SPHKAP: variants seen among roughly 807,000 people sequenced by gnomAD.
SPHKAP encodes A-kinase anchor protein SPHKAP.
In SPHKAP, 67 loss-of-function variants were observed where a neutral mutation model predicts 137.5. The ratio of observed to expected loss-of-function variants is 0.49; its 90% CI spans 0.40 to 0.60. The LOEUF is 0.60. Among genes scored for constraint, SPHKAP ranks in the 20% least tolerant of loss-of-function variants. The probability of loss-of-function intolerance (pLI) is 0.00; values close to 1 mark genes in which losing one functional copy is unlikely to be tolerated. For missense variants in SPHKAP, 2,097 were observed against 2,069.3 expected, an observed-to-expected ratio of 1.01 and a Z score of -0.26; for synonymous variants, 813 against 785.3, an observed-to-expected ratio of 1.04 and a Z score of -0.59.
chr2:228,125,244 T>C (rs1319722033), intron 2 of SPHKAP, among the ~76,000 whole-genome samples: 1 of 152,208 alleles, frequency 6.6e-6, no homozygotes, highest in Non-Finnish European at 1.5e-5. Flanking sequence ...AAGCATAGAT[T>C]GGAAATGCCC....
intron 1 of SPHKAP, among the ~76,000 whole-genome samples, chr2:228,139,897 A>ATTTAT: frequency 9.7e-6 from 1 of 102,830 alleles, no homozygotes; most frequent in Admixed American, 1.1e-4. Context: ...AGAGTTCTTT[A>ATTTAT]TTTCTTTATT....
At chr2:228,011,013 G>T (rs1403627661) in intron 7 of SPHKAP, among the ~76,000 whole-genome samples, 2 of 152,104 alleles carry the variant, frequency 1.3e-5, no homozygotes, top group African/African-American at 2.4e-5. Context: ...TTAAGACTGG[G>T]CTTAACTCTC....
intron 1 of SPHKAP, among the ~76,000 whole-genome samples, chr2:228,135,648 T>C (rs960533032): frequency 3.9e-5 from 6 of 152,214 alleles, no homozygotes; most frequent in African/African-American, 1.4e-4. Flanking sequence ...AAGTTTTTTT[T>C]TGCTTGCCTG....
chr2:228,043,105 C>A (rs544059532), intron 3 of SPHKAP, among the ~76,000 whole-genome samples: 1 of 152,144 alleles, frequency 6.6e-6, no homozygotes, highest in African/African-American at 2.4e-5. Context: ...GATTAAATTT[C>A]AAAAATGAAT....
chr2:228,178,943 A>T (rs891958007), intron 1 of SPHKAP, among the ~76,000 whole-genome samples: 2 of 152,158 alleles, frequency 1.3e-5, no homozygotes, highest in Non-Finnish European at 2.9e-5. Context: ...CTTAAAAAAA[A>T]AAAACATGTT....
chr2:228,019,519 A>C lies in SPHKAP; in HGVS notation c.1335T>G (p.Asn445Lys). 1 of 1,614,068 alleles carries C rather than the reference A, an allele frequency of 6.2e-7. No homozygotes were observed. The highest frequency in any genetic ancestry group is 8.5e-7 in the Non-Finnish European group (1 of 1,179,906). ...TKDTVVSRSW[N>K]ELPKIVVVQS... ...GAACAACGACGATTTTGGGGAGCTC[A>C]TTCCATGACCGAGAAACCACTGTAT... The change falls in exon 7 of 12, where the codon AAT becomes AAG. Residue 445 changes from asparagine to lysine, a missense_variant. Transcript: ENST00000392056.
chr2:228,051,605 A>T (rs1180570014), intron 3 of SPHKAP, among the ~76,000 whole-genome samples: 1 of 152,176 alleles, frequency 6.6e-6, no homozygotes, highest in African/African-American at 2.4e-5. Context: ...ACCCCACTGT[A>T]AAACAACCTG....
At chr2:228,102,086 C>T (rs553666546) in intron 3 of SPHKAP, among the ~76,000 whole-genome samples, 1 of 152,150 alleles carries the variant, frequency 6.6e-6, no homozygotes, top group African/African-American at 2.4e-5. Context: ...TCTTTGATTA[C>T]CAGAGAAGCT....
At chr2:227,993,722 A>G in intron 8 of SPHKAP, 102 bp from the exon 9 acceptor site, 1 of 1,049,912 alleles carries the variant, frequency 9.5e-7, no homozygotes, top group Non-Finnish European at 1.4e-6. Flanking sequence ...TTTGGTCCCC[A>G]GAAAAATATC....
chr2:228,036,514 T>C lies in SPHKAP; in HGVS notation c.247-8971A>G, dbSNP rs187423107. ...TCTAGAACTAGAAATACCATTTGAC[T>C]CAGCCATCCCATTACTGGGTATATA... On this transcript the variant is annotated intron_variant, in intron 3 of 11. Transcript: ENST00000392056. 7.2e-5 allele frequency among the ~76,000 whole-genome samples: 11 copies of C among 152,224 alleles called. No homozygotes were observed. The South Asian group carries it at 8.3e-4, about 11-fold the overall frequency.
intron 3 of SPHKAP, among the ~76,000 whole-genome samples, chr2:228,083,984 C>T (rs1022187071): frequency 4.6e-5 from 7 of 151,704 alleles, no homozygotes; most frequent in African/African-American, 9.7e-5. Flanking sequence ...CTACTGGATG[C>T]GGGTTTTAAA....
In SPHKAP at chr2:227,991,178, G is replaced by A; in HGVS notation, c.4781C>T (p.Ala1594Val). The change falls in exon 11 of 12, where the codon GCA (alanine) becomes GTA (valine). Residue 1594 changes from alanine to valine, a missense_variant. Ala to Val is a moderately conservative substitution (Grantham distance 64). Transcript: ENST00000392056. ...GGCTGTTCCCGTAGGCGGTCCAGAT[G>A]CAGGTGCTGAGAACAGACACAACCA... ...KGQSESTEAP[A>V]SGPPTGTASP... The A allele has an allele frequency of 6.2e-7, 1 of 1,614,100 alleles. No homozygotes were observed. The highest frequency in any genetic ancestry group is 1.1e-5 in the South Asian group (1 of 91,070).
chr2:228,130,853 G>A (rs186004405), intron 2 of SPHKAP, among the ~76,000 whole-genome samples: 6 of 152,216 alleles, frequency 3.9e-5, no homozygotes, highest in Admixed American at 6.5e-5. Context: ...GAATTTATAA[G>A]AGGAGAAAGA....
chr2:227,998,106 A>C (rs1034572138), intron 7 of SPHKAP, among the ~76,000 whole-genome samples: 1 of 152,176 alleles, frequency 6.6e-6, no homozygotes, highest in Non-Finnish European at 1.5e-5. Context: ...TCCCAGATAT[A>C]AGCAACTCCC....
At chr2:227,983,893 C>T (rs1239306769) in intron 11 of SPHKAP, among the ~76,000 whole-genome samples, 2 of 152,054 alleles carry the variant, frequency 1.3e-5, no homozygotes, top group Non-Finnish European at 2.9e-5. Context: ...CGTTTCTTAT[C>T]ACGTGGTGAC....
At chr2:228,075,510 T>A (rs1327185240) in intron 3 of SPHKAP, among the ~76,000 whole-genome samples, 1 of 152,188 alleles carries the variant, frequency 6.6e-6, no homozygotes, top group African/African-American at 2.4e-5. Context: ...TTGAAATTTC[T>A]AGTAGGTTGT....
At chr2:228,125,322 A>G (rs1029103362) in intron 2 of SPHKAP, among the ~76,000 whole-genome samples, 2 of 152,242 alleles carry the variant, frequency 1.3e-5, no homozygotes, top group Non-Finnish European at 2.9e-5. Flanking sequence ...CAGAAATTCA[A>G]TATAATGGAG....
chr2:228,170,189 C>T (rs965583565), intron 1 of SPHKAP, among the ~76,000 whole-genome samples: 2 of 152,076 alleles, frequency 1.3e-5, no homozygotes, highest in African/African-American at 4.8e-5. Context: ...TGAGGAAGTG[C>T]TTCTTATGGA....
chr2:228,094,183 T>C (rs545398540), intron 3 of SPHKAP, among the ~76,000 whole-genome samples: 1 of 152,332 alleles, frequency 6.6e-6, no homozygotes, highest in Admixed American at 6.5e-5. Flanking sequence ...TGAAACATTT[T>C]CTTAAAATTA....
Sources: gnomAD v4.1 joint callset for allele counts (sites outside exome capture counted in the v4.1 genomes callset) on GRCh38, gnomAD v4.1.1 for gene constraint, MANE v1.5 for transcripts, NCBI Gene and HGNC (gene_info 2026-07-23, HGNC 2026-07-21) for gene names.